Variants in SP140L observed in about 807,000 individuals in gnomAD.
SP140L encodes SP140 like nuclear body protein, also known as nuclear body protein SP140-like protein.
SP140L carries 64 observed loss-of-function variants against 84.3 expected under a neutral mutation model. The observed-to-expected ratio is 0.76, with a 90% CI of 0.62 to 0.94. The LOEUF is 0.94. SP140L is among the 40% of genes least tolerant of loss of function. The pLI, the probability that SP140L is intolerant of heterozygous loss-of-function variation, is 0.00. For synonymous variants in SP140L, 242 were observed against 236.9 expected (o/e 1.02, Z -0.20); for missense variants, 628 against 692.5 (o/e 0.91, Z 1.05).
At chr2:230,392,360 T>G (rs1163453977) in intron 12 of SP140L, 131 bp downstream of exon 12, 1 of 1,387,488 alleles carries the variant, frequency 7.2e-7, no homozygotes, top group Non-Finnish European at 9.8e-7. Flanking sequence ...ATCCTCTCAC[T>G]CAGGAGAGAG....
At chr2:230,349,361 C>A (rs1406230985) in intron 2 of SP140L, among the ~76,000 whole-genome samples, 1 of 152,100 alleles carries the variant, frequency 6.6e-6, no homozygotes, top group Non-Finnish European at 1.5e-5. Context: ...TCTTGCAATT[C>A]CATATAAATT....
chr2:230,402,724 C>T (rs2062409676), intron 18 of SP140L, 74 bp from the exon 19 acceptor site: 3 of 1,133,912 alleles, frequency 2.6e-6, no homozygotes, highest in South Asian at 1.4e-5. Context: ...GAGTCCTGAT[C>T]ATTCTCAGTT....
chr2:230,345,079 A>C (rs112192555), intron 2 of SP140L, among the ~76,000 whole-genome samples: 5 of 152,174 alleles, frequency 3.3e-5, no homozygotes, highest in Admixed American at 2.6e-4. Context: ...TTCATCTGTC[A>C]TTGTTAAGGG....
At chr2:230,336,170 G>A (rs897515441) in intron 2 of SP140L, among the ~76,000 whole-genome samples, 1 of 152,144 alleles carries the variant, frequency 6.6e-6, no homozygotes, top group South Asian at 2.1e-4. Flanking sequence ...ATGCATGATG[G>A]GATTGGGAGG....
In SP140L at chr2:230,327,287, C is replaced by A. The variant is rs1445909398; in HGVS notation, c.18C>A (p.Ser6Arg). 1 of 1,611,666 alleles carries A rather than the reference C, an allele frequency of 6.2e-7. No individual in the cohort carries two copies. Among genetic ancestry groups the A allele is most frequent in the Non-Finnish European group, 8.5e-7 (1 of 1,178,992 alleles). ...GTGGGACGATGGCAGGTGGGGGCAG[C>A]GACCTGAGCACCAGGTGAGTCTTTA... MAGGG[S>R]DLSTRGLNGG... is the part of the protein sequence containing the mutation. The change falls in exon 1 of 19, where the codon AGC (serine) becomes AGA (arginine). Residue 6 changes from serine to arginine, a missense_variant. By Grantham distance (110) the Ser-to-Arg change is moderately radical (BLOSUM62 -1). Around this residue, in one of 4 missense-constraint regions of SP140L, gnomAD observed 525 missense variants for 518.4 expected, o/e 1.01. Transcript: ENST00000415673.
chr2:230,358,857 T>C (rs1302682431), intron 3 of SP140L, 107 bp from the exon 4 acceptor site: 17 of 869,326 alleles, frequency 2.0e-5, no homozygotes, highest in Non-Finnish European at 2.6e-5. Flanking sequence ...CATGAGAAGA[T>C]ACCTCTGAAG....
intron 7 of SP140L, among the ~76,000 whole-genome samples, chr2:230,375,513 C>G (rs1037789785): frequency 6.6e-6 from 1 of 152,176 alleles, no homozygotes; most frequent in African/African-American, 2.4e-5. Context: ...TTCCCACTTA[C>G]AGCATACAGG....
chr2:230,385,574 A>T (rs1462838296), intron 9 of SP140L, among the ~76,000 whole-genome samples: 1 of 152,184 alleles, frequency 6.6e-6, no homozygotes, highest in Non-Finnish European at 1.5e-5. Context: ...TCATTGGCTA[A>T]TTAAAATGGC....
At position 230,400,272 on chromosome 2, in the gene SP140L, TC is replaced by T. The variant is rs564835372; in HGVS notation, c.1313+32del. 2.5e-5 allele frequency: 40 copies of T among 1,607,626 alleles called. No individual in the cohort carries two copies. In the African/African-American group the frequency reaches 4.8e-4, roughly 19 times the overall value. On this transcript the variant is annotated intron_variant, in intron 15 of 18. Coordinates refer to ENST00000415673, the MANE Select transcript of SP140L (RefSeq NM_138402.6). Reference sequence around the variant, plus strand: ...GTGACATGCAGGCACCTCTCTTTCATCCTTTAAGGGACCTTCCACCTGCCAT... The same window carrying T: ...GTGACATGCAGGCACCTCTCTTTCATCTTTAAGGGACCTTCCACCTGCCAT...
intron 12 of SP140L, 121 bp downstream of exon 12, chr2:230,392,350 A>G (rs1003220219): frequency 6.8e-7 from 1 of 1,471,738 alleles, no homozygotes; most frequent in African/African-American, 1.4e-5. Flanking sequence ...CAGTGAGTTT[A>G]TCCTCTCACT....
chr2:230,370,995 G>A (rs750486865), intron 6 of SP140L, 28 bp downstream of exon 6: 3 of 1,608,358 alleles, frequency 1.9e-6, no homozygotes, highest in African/African-American at 1.3e-5. Context: ...CTGTGGGATG[G>A]GGTGGCTCAG....
rs776493988 is a variant in SP140L, at chr2:230,353,690, G to A, written c.108-4115G>A. On this transcript the variant is annotated intron_variant, in intron 2 of 18. Transcript: ENST00000415673. ...TATCATCAATATTGACGATACCTTC[G>A]ATATCACTAATATTACCTTTCAGGA... Among the ~76,000 whole-genome samples the A allele has an allele frequency of 5.3e-5, 8 of 151,958 alleles. No individual in the cohort carries two copies. In the East Asian group the frequency reaches 7.7e-4, roughly 15 times the overall value.
intron 7 of SP140L, among the ~76,000 whole-genome samples, chr2:230,380,811 ATTTG>A (rs1426968786): frequency 6.6e-6 from 1 of 152,212 alleles, no homozygotes; most frequent in East Asian, 1.9e-4. Flanking sequence ...TGTATCAGTA[ATTTG>A]TTTGTTTTCA....
chr2:230,375,421 AT>A (rs2061212509), intron 7 of SP140L, among the ~76,000 whole-genome samples: 1 of 152,074 alleles, frequency 6.6e-6, no homozygotes, highest in South Asian at 2.1e-4. Flanking sequence ...CCCAAATTAG[AT>A]TTCTGAATGG....
In SP140L at chr2:230,400,946, A is replaced by G. The variant is rs779179618; in HGVS notation, c.1314-9A>G. 4.0e-6 allele frequency: 6 copies of G among 1,499,698 alleles called. No homozygotes were observed. Among genetic ancestry groups the G allele is most frequent in the Non-Finnish European group, 4.5e-6 (5 of 1,103,924 alleles). 92.9% of individuals were successfully genotyped at this position (1,499,698 alleles called of 1,614,324 possible). On this transcript the variant is annotated splice_polypyrimidine_tract_variant and intron_variant, in intron 15 of 18. Coordinates refer to ENST00000415673, the MANE Select transcript of SP140L (RefSeq NM_138402.6). The stretch of plus-strand genomic sequence containing the variant: ...CCTGCCCTCTGCTCACCCATGTCCA[A>G]TCTCTCAGGACCCCGTGGAATTGCA...
At chr2:230,342,812 T>A (rs73110326) in intron 2 of SP140L, among the ~76,000 whole-genome samples, 22,380 of 151,976 alleles carry the variant, frequency 0.15, 1,810 homozygotes, top group African/African-American at 0.21. Flanking sequence ...AGATTTATCC[T>A]TTTTTTTAAA....
chr2:230,382,505 C>T (rs1449145095), intron 7 of SP140L, among the ~76,000 whole-genome samples: 2 of 152,108 alleles, frequency 1.3e-5, no homozygotes, highest in Non-Finnish European at 2.9e-5. Context: ...TCATCTTTTT[C>T]TCCTAATTGT....
intron 2 of SP140L, among the ~76,000 whole-genome samples, chr2:230,354,225 A>G (rs972745744): frequency 1.3e-5 from 2 of 152,188 alleles, no homozygotes; most frequent in Non-Finnish European, 2.9e-5. Flanking sequence ...TTGTTTCTAC[A>G]TAAGAGAAGA....
chr2:230,361,152 A>G (rs2060703359), intron 4 of SP140L, among the ~76,000 whole-genome samples: 1 of 152,054 alleles, frequency 6.6e-6, no homozygotes, highest in Non-Finnish European at 1.5e-5. Context: ...AGGTCTTGCT[A>G]TGTGGTCTAG....
Sources: allele counts gnomAD v4.1 joint callset (sites outside exome capture counted in the v4.1 genomes callset), GRCh38; gene constraint gnomAD v4.1.1; regional missense constraint gnomAD v4.1.1; transcripts MANE v1.5; gene names NCBI Gene and HGNC (gene_info 2026-07-23, HGNC 2026-07-21).